Variants in POU2F1 observed in about 807,000 individuals in gnomAD.
POU2F1 encodes POU domain, class 2, transcription factor 1.
In POU2F1, 16 loss-of-function variants were observed where a neutral mutation model predicts 84.9. The ratio of observed to expected loss-of-function variants is 0.19; its 90% CI spans 0.13 to 0.29. The LOEUF (loss-of-function observed/expected upper bound fraction) is 0.29. Among genes scored for constraint, POU2F1 ranks in the 10% least tolerant of loss-of-function variants. POU2F1 has a pLI of 1.00. For missense variants in POU2F1, 738 were observed against 942.6 expected (o/e 0.78, Z 2.84); for synonymous variants, 368 against 368.3 (o/e 1.00, Z 0.01).
chr1:167,269,244 C>A (rs550822454), intron 1 of POU2F1, among the ~76,000 whole-genome samples: 1 of 152,312 alleles, frequency 6.6e-6, no homozygotes, highest in South Asian at 2.1e-4. Flanking sequence ...TTTCTACAAA[C>A]TTGAAATTAG....
intron 1 of POU2F1, among the ~76,000 whole-genome samples, chr1:167,237,746 GTATATATATA>G (rs58988722): frequency 0.14 from 10,467 of 72,432 alleles, 1,603 homozygotes; most frequent in South Asian, 0.25. Flanking sequence ...ATGTGTGTGT[GTATATATATA>G]TATATATATA....
chr1:167,259,552 G>A lies in POU2F1; in HGVS notation c.61+38594G>A, dbSNP rs982099425. On this transcript the variant is annotated intron_variant, in intron 1 of 15. Coordinates refer to ENST00000367866, the MANE Select transcript of POU2F1 (RefSeq NM_002697.4). ...TAATCCAGTATATATCTCCCTGTGC[G>A]TACATGTTAAGAGTTTTATTAAGGG... Among the ~76,000 whole-genome samples the A allele has an allele frequency of 1.2e-4, 19 of 152,080 alleles. 1 individual carries two copies. The highest frequency in any genetic ancestry group is 4.1e-4 in the African/African-American group (17 of 41,394).
intron 1 of POU2F1, among the ~76,000 whole-genome samples, chr1:167,275,032 A>ATTT (rs11413742): frequency 1.8e-5 from 2 of 112,476 alleles, no homozygotes. Context: ...AAATAAATGT[A>ATTT]TTTTTTTTTT....
chr1:167,305,575 T>A (rs138737443), intron 1 of POU2F1, among the ~76,000 whole-genome samples: 70 of 152,314 alleles, frequency 4.6e-4, no homozygotes, highest in Non-Finnish European at 8.1e-4. Flanking sequence ...TGTGGAGATC[T>A]TATAGCGAAT....
chr1:167,280,550 C>T (rs1653061192), intron 1 of POU2F1, among the ~76,000 whole-genome samples: 1 of 152,102 alleles, frequency 6.6e-6, no homozygotes, highest in Non-Finnish European at 1.5e-5. Flanking sequence ...TGACAGTTAC[C>T]TTTAAAACGA....
rs983416797 is a variant in POU2F1 at position 167,419,632 on chromosome 1, G to A, written c.*3822G>A. ...TCTAAGAAAAAATAAGTTGAGTGCTGTATTAGTTTAAGTGTTTCTAAAGTT... is the reference window on the plus strand; with the variant it reads ...TCTAAGAAAAAATAAGTTGAGTGCTATATTAGTTTAAGTGTTTCTAAAGTT... On this transcript the variant is annotated 3_prime_UTR_variant, in exon 16 of 16. Coordinates refer to ENST00000367866, the MANE Select transcript of POU2F1 (RefSeq NM_002697.4). 2 of 152,182 alleles carry A rather than the reference G, an allele frequency of 1.3e-5. No homozygotes were observed. The highest frequency in any genetic ancestry group is 1.5e-5 in the Non-Finnish European group (1 of 68,026). The allele number at this position is 152,182 out of a possible 1,614,324, so 9.4% of individuals were successfully genotyped here.
intron 3 of POU2F1, among the ~76,000 whole-genome samples, chr1:167,369,007 G>T (rs553451285): frequency 1.3e-5 from 2 of 152,200 alleles, no homozygotes; most frequent in South Asian, 2.1e-4. Context: ...CTTATGTAGT[G>T]CATTGCAGAG....
chr1:167,339,594 T>C (rs1657701715), intron 2 of POU2F1, among the ~76,000 whole-genome samples: 1 of 152,264 alleles, frequency 6.6e-6, no homozygotes. Flanking sequence ...TCAGTACTCC[T>C]GACAGATGGT....
chr1:167,240,830 C>A lies in POU2F1; in HGVS notation c.61+19872C>A, dbSNP rs189233249. Among the ~76,000 whole-genome samples, 4 of 152,182 alleles carry A rather than the reference C, an allele frequency of 2.6e-5. No homozygotes were observed. In the East Asian group the frequency reaches 7.7e-4, roughly 29 times the overall value. On this transcript the variant is annotated intron_variant, in intron 1 of 15. Coordinates refer to ENST00000367866, the MANE Select transcript of POU2F1 (RefSeq NM_002697.4). ...GCTTCTGAAACCTTTGCTTTGGGGA[C>A]ACCTTGTTCTGTAATGAAATTATCT...
chr1:167,411,624 T>G (rs1649974381), intron 13 of POU2F1, among the ~76,000 whole-genome samples: 1 of 152,206 alleles, frequency 6.6e-6, no homozygotes, highest in African/African-American at 2.4e-5. Context: ...ACAGAAGTTT[T>G]TCTTCTTTTG....
At chr1:167,237,249 T>C (rs778667382) in intron 1 of POU2F1, among the ~76,000 whole-genome samples, 6 of 152,220 alleles carry the variant, frequency 3.9e-5, no homozygotes, top group East Asian at 1.9e-4. Context: ...AACATACTTA[T>C]GCGTGTTGGG....
chr1:167,252,871 G>A (rs560042894), intron 1 of POU2F1, among the ~76,000 whole-genome samples: 1 of 152,326 alleles, frequency 6.6e-6, no homozygotes, highest in Admixed American at 6.5e-5. Flanking sequence ...AAGAAAACAT[G>A]TATCCCTCTA....
At chr1:167,369,787 A>T (rs1349361536) in intron 3 of POU2F1, among the ~76,000 whole-genome samples, 1 of 152,216 alleles carries the variant, frequency 6.6e-6, no homozygotes, top group Non-Finnish European at 1.5e-5. Flanking sequence ...GAATGTATAT[A>T]GATAGCTTAT....
At chr1:167,392,785 T>A (rs1442672845) in intron 9 of POU2F1, among the ~76,000 whole-genome samples, 1 of 152,246 alleles carries the variant, frequency 6.6e-6, no homozygotes, top group African/African-American at 2.4e-5. Flanking sequence ...TGGGTTAAAG[T>A]ACATACTACT....
At chr1:167,248,694 T>C (rs1276668946) in intron 1 of POU2F1, among the ~76,000 whole-genome samples, 1 of 152,164 alleles carries the variant, frequency 6.6e-6, no homozygotes, top group African/African-American at 2.4e-5. Flanking sequence ...GGGGAGTATG[T>C]TCCTTGTAGT....
At position 167,383,945 on chromosome 1, in the gene POU2F1, C is replaced by T. The variant is rs1380836225; in HGVS notation, c.807C>T (p.Thr269=). Residue 269 remains threonine, a synonymous_variant, in exon 8 of 16, where the codon ACC becomes ACT. Coordinates refer to ENST00000367866, the MANE Select transcript of POU2F1 (RefSeq NM_002697.4). ...LLQSQPSITL[T]SQPATPTRTI... is the part of the protein sequence containing the mutation. ...AGTCGCAGCCAAGCATCACCCTCACCTCCCAGGTCAGTTTTCTTCTATGGG... is the reference window on the plus strand; with the variant it reads ...AGTCGCAGCCAAGCATCACCCTCACTTCCCAGGTCAGTTTTCTTCTATGGG... The T allele has an allele frequency of 7.4e-6, 12 of 1,612,034 alleles. No homozygotes were observed. The highest frequency in any genetic ancestry group is 3.3e-4 in the Middle Eastern group (2 of 6,054).
chr1:167,368,819 G>A (rs971398449), intron 3 of POU2F1, among the ~76,000 whole-genome samples: 2 of 152,100 alleles, frequency 1.3e-5, no homozygotes, highest in African/African-American at 2.4e-5. Flanking sequence ...TCTTCACTGA[G>A]CTCCATACCA....
intron 2 of POU2F1, among the ~76,000 whole-genome samples, chr1:167,346,889 C>T (rs1243681736): frequency 1.3e-5 from 2 of 152,224 alleles, no homozygotes; most frequent in African/African-American, 4.8e-5. Context: ...AAGTGATTCT[C>T]TTTCAGGATT....
intron 1 of POU2F1, among the ~76,000 whole-genome samples, chr1:167,243,970 G>A (rs932278088): frequency 6.6e-6 from 1 of 152,116 alleles, no homozygotes; most frequent in African/African-American, 2.4e-5. Context: ...TATGGATAAT[G>A]GACCGAGAGT....
Sources: gnomAD v4.1 joint callset for allele counts (sites outside exome capture counted in the v4.1 genomes callset) on GRCh38, gnomAD v4.1.1 for gene constraint, MANE v1.5 for transcripts, NCBI Gene and HGNC (gene_info 2026-07-23, HGNC 2026-07-21) for gene names.